Variants in ACER3 observed in about 807,000 individuals in gnomAD.
ACER3 encodes alkCDase 3.
In ACER3, 16 loss-of-function variants were observed where a neutral mutation model predicts 48.9. That is an observed-to-expected ratio of 0.33 (90% CI 0.22 to 0.50). The LOEUF (loss-of-function observed/expected upper bound fraction) is 0.50, where lower values mean the gene tolerates loss of function less well. ACER3 is among the 20% of genes least tolerant of loss of function. ACER3 has a pLI of 0.98. For synonymous variants in ACER3, 109 were observed against 107.8 expected, an observed-to-expected ratio of 1.01 and a Z score of -0.07; for missense variants, 227 against 326.0, an observed-to-expected ratio of 0.70 and a Z score of 2.34.
intron 1 of ACER3, among the ~76,000 whole-genome samples, chr11:76,877,723 A>G (rs539831574): frequency 6.6e-6 from 1 of 152,266 alleles, no homozygotes; most frequent in African/African-American, 2.4e-5. Context: ...AGCAGTCATC[A>G]TTGAAGAAAC....
At position 76,865,010 on chromosome 11, in the gene ACER3, G is replaced by C. The variant is rs542551476; in HGVS notation, c.103+3931G>C. Among the ~76,000 whole-genome samples the C allele has an allele frequency of 2.0e-4, 30 of 146,380 alleles. No homozygotes were observed. The South Asian group carries it at 6.2e-3, about 30-fold the overall frequency. ...TTTTCTTGAGACAAGGTCTCCCTCTGTTGCTTAGGCTGGAGTGCAGTGGCA... is the reference window on the plus strand; with the variant it reads ...TTTTCTTGAGACAAGGTCTCCCTCTCTTGCTTAGGCTGGAGTGCAGTGGCA... On this transcript the variant is annotated intron_variant, in intron 1 of 10. Coordinates refer to ENST00000532485, the MANE Select transcript of ACER3 (RefSeq NM_018367.7).
intron 2 of ACER3, among the ~76,000 whole-genome samples, chr11:76,954,633 C>T (rs1196801008): frequency 6.8e-6 from 1 of 147,588 alleles, no homozygotes; most frequent in Non-Finnish European, 1.5e-5. Flanking sequence ...CAAGATTTCA[C>T]TCTGTCACCC....
chr11:76,893,583 G>T (rs1402264171), intron 1 of ACER3, among the ~76,000 whole-genome samples: 1 of 152,094 alleles, frequency 6.6e-6, no homozygotes, highest in Non-Finnish European at 1.5e-5. Flanking sequence ...TACCAGGAAG[G>T]CTGAGGCAAA....
intron 1 of ACER3, among the ~76,000 whole-genome samples, chr11:76,895,802 G>A (rs918416514): frequency 2.0e-5 from 3 of 152,148 alleles, no homozygotes; most frequent in African/African-American, 4.8e-5. Flanking sequence ...GTTTATTATA[G>A]CATTGGCTGA....
chr11:76,927,755 C>T (rs1590942518), intron 2 of ACER3, among the ~76,000 whole-genome samples: 1 of 152,108 alleles, frequency 6.6e-6, no homozygotes, highest in Non-Finnish European at 1.5e-5. Context: ...TGATGGTTTC[C>T]AACTTCATCC....
intron 1 of ACER3, among the ~76,000 whole-genome samples, chr11:76,913,413 C>T (rs1180752214): frequency 1.3e-5 from 2 of 152,144 alleles, no homozygotes; most frequent in African/African-American, 4.8e-5. Context: ...TATGTTGAAT[C>T]GGAATAGTGA....
intron 1 of ACER3, among the ~76,000 whole-genome samples, chr11:76,918,844 A>G (rs887985170): frequency 3.9e-5 from 6 of 152,230 alleles, no homozygotes; most frequent in Non-Finnish European, 7.3e-5. Flanking sequence ...ATAAGAACAC[A>G]GTAATGCCTA....
chr11:77,010,539 G>A (rs1312640701), intron 7 of ACER3, among the ~76,000 whole-genome samples: 6 of 151,506 alleles, frequency 4.0e-5, no homozygotes, highest in African/African-American at 1.5e-4. Context: ...AGGAGACAGA[G>A]GCAGAGAATA....
At chr11:76,930,432 A>C (rs1367625814) in intron 2 of ACER3, among the ~76,000 whole-genome samples, 1 of 151,924 alleles carries the variant, frequency 6.6e-6, no homozygotes, top group African/African-American at 2.4e-5. Context: ...GGATTCTTTG[A>C]TTTTTTGAAG....
chr11:76,879,042 T>C (rs1236885384), intron 1 of ACER3, among the ~76,000 whole-genome samples: 1 of 152,124 alleles, frequency 6.6e-6, no homozygotes, highest in Admixed American at 6.5e-5. Flanking sequence ...TAATAGGGGC[T>C]CCTTTCATAT....
Position 76,864,013 on chromosome 11 carries a change from A to G in ACER3, c.103+2934A>G, listed in dbSNP as rs895443469. On this transcript the variant is annotated intron_variant, in intron 1 of 10. Transcript: ENST00000532485. ...GCTATCACACAGGACAAATTGAACA[A>G]CTATTCAGTTTACTCAACCATCTTT... Among the ~76,000 whole-genome samples the G allele has an allele frequency of 1.6e-4, 25 of 152,236 alleles. 1 individual carries two copies. The highest frequency in any genetic ancestry group is 7.3e-5 in the Non-Finnish European group (5 of 68,040).
intron 1 of ACER3, among the ~76,000 whole-genome samples, chr11:76,909,443 T>A (rs966627298): frequency 1.4e-4 from 22 of 151,904 alleles, no homozygotes; most frequent in African/African-American, 4.8e-4. Flanking sequence ...AACAACCCCA[T>A]CAAAAAGCGG....
intron 3 of ACER3, among the ~76,000 whole-genome samples, chr11:76,969,604 A>C (rs1948236989): frequency 6.6e-6 from 1 of 151,972 alleles, no homozygotes; most frequent in Admixed American, 6.6e-5. Context: ...ACCATGGAAT[A>C]CTATGCAGCC....
intron 3 of ACER3, among the ~76,000 whole-genome samples, chr11:76,967,974 T>C (rs1297267980): frequency 6.6e-6 from 1 of 152,164 alleles, no homozygotes; most frequent in East Asian, 1.9e-4. Flanking sequence ...ATAAAGGGCA[T>C]TCAATTAGGA....
chr11:76,956,026 T>C (rs1364634507), intron 2 of ACER3, among the ~76,000 whole-genome samples: 2 of 152,168 alleles, frequency 1.3e-5, no homozygotes, highest in East Asian at 3.8e-4. Flanking sequence ...AGACTAATGA[T>C]TGCCCAGGGC....
intron 2 of ACER3, among the ~76,000 whole-genome samples, chr11:76,927,170 T>C (rs901741254): frequency 6.6e-6 from 1 of 152,242 alleles, no homozygotes; most frequent in Non-Finnish European, 1.5e-5. Context: ...TGGTTTTGCA[T>C]AGTTTTAAAC....
chr11:76,910,934 T>C (rs1421003149), intron 1 of ACER3, among the ~76,000 whole-genome samples: 2 of 152,204 alleles, frequency 1.3e-5, no homozygotes, highest in African/African-American at 4.8e-5. Context: ...TTAAGTTACA[T>C]GGATGAATAC....
chr11:76,925,285 C>T (rs1419341385), intron 1 of ACER3, among the ~76,000 whole-genome samples: 1 of 152,110 alleles, frequency 6.6e-6, no homozygotes, highest in Non-Finnish European at 1.5e-5. Context: ...TATACCTGCA[C>T]TTGTAAATAT....
intron 7 of ACER3, among the ~76,000 whole-genome samples, chr11:77,002,001 G>A (rs1310317660): frequency 1.3e-5 from 2 of 152,130 alleles, no homozygotes; most frequent in Non-Finnish European, 2.9e-5. Context: ...CAGAGAGAAG[G>A]TGTTCATTTG....
Sources: gnomAD v4.1 joint callset for allele counts (sites outside exome capture counted in the v4.1 genomes callset) on GRCh38, gnomAD v4.1.1 for gene constraint, MANE v1.5 for transcripts, NCBI Gene and HGNC (gene_info 2026-07-23, HGNC 2026-07-21) for gene names.